PHF14: variants seen among roughly 807,000 people sequenced by gnomAD.
PHF14 encodes PHD finger protein 14.
PHF14 carries 55 observed loss-of-function variants against 117.9 expected under a neutral mutation model. That is an observed-to-expected ratio of 0.47 (90% confidence interval 0.38 to 0.58). The LOEUF (loss-of-function observed/expected upper bound fraction) is 0.58, where lower values mean the gene tolerates loss of function less well. Among genes scored for constraint, PHF14 ranks in the 20% least tolerant of loss-of-function variants. The pLI is 0.00. For missense variants in PHF14, 978 were observed against 1,122.2 expected, an observed-to-expected ratio of 0.87 and a Z score of 1.84; for synonymous variants, 409 against 368.6, an observed-to-expected ratio of 1.11 and a Z score of -1.26.
At chr7:11,164,725 A>G (rs1406541391) in intron 17 of PHF14, among the ~76,000 whole-genome samples, 1 of 152,198 alleles carries the variant, frequency 6.6e-6, no homozygotes, top group Non-Finnish European at 1.5e-5. Context: ...TTGCCATTTT[A>G]TGTAACCATA....
rs577642434 is a variant in PHF14 at position 11,018,330 on chromosome 7, G to T, written c.1205+4424G>T. 2.0e-5 allele frequency among the ~76,000 whole-genome samples: 3 copies of T among 152,166 alleles called. No individual in the cohort carries two copies. The East Asian group carries it at 5.8e-4, about 29-fold the overall frequency. On this transcript the variant is annotated intron_variant, in intron 5 of 17. Transcript: ENST00000634607. ...AGGGATTGCATTGAATCTGTAGATT[G>T]CTTTGGGTAGTATGGGCATTTTAAC...
intron 5 of PHF14, among the ~76,000 whole-genome samples, chr7:11,020,055 A>G (rs982503201): frequency 2.6e-5 from 4 of 151,866 alleles, no homozygotes; most frequent in Admixed American, 2.6e-4. Context: ...GTTGCAATAG[A>G]AGGCAGCATT....
At chr7:11,137,601 T>C (rs1788260387) in intron 17 of PHF14, among the ~76,000 whole-genome samples, 1 of 144,552 alleles carries the variant, frequency 6.9e-6, no homozygotes, top group African/African-American at 2.6e-5. Context: ...TTTTTTTTTT[T>C]TTTTTTTTTT....
chr7:11,101,339 C>T (rs1787080191), intron 16 of PHF14, among the ~76,000 whole-genome samples: 3 of 151,732 alleles, frequency 2.0e-5, no homozygotes, highest in Admixed American at 2.0e-4. Flanking sequence ...AATTGTATTT[C>T]TATTATAAAT....
intron 17 of PHF14, among the ~76,000 whole-genome samples, chr7:11,112,791 T>A (rs1192674659): frequency 2.0e-5 from 3 of 151,890 alleles, no homozygotes; most frequent in Admixed American, 6.6e-5. Context: ...AAATTATAAA[T>A]ATTTGTATGA....
At position 11,081,477 on chromosome 7, in the gene PHF14, CTCT is replaced by C. The variant is rs201054935; in HGVS notation, c.2654+19394_2654+19396del. ...TAATAATATACCGTAAATTTTCATC[CTCT>C]TATTTGACCCCTTATTCAGCCATTT... On this transcript the variant is annotated intron_variant, in intron 16 of 17. Transcript: ENST00000634607. Among the ~76,000 whole-genome samples the C allele has an allele frequency of 9.8e-3, 1,499 of 152,188 alleles. 26 individuals carry two copies. The highest frequency in any genetic ancestry group is 0.034 in the African/African-American group (1,432 of 41,510).
At chr7:10,987,645 CT>C (rs1261587474) in intron 3 of PHF14, among the ~76,000 whole-genome samples, 1 of 151,806 alleles carries the variant, frequency 6.6e-6, no homozygotes, top group Non-Finnish European at 1.5e-5. Context: ...CTAGGTGGTA[CT>C]TTTTTGCCAT....
At chr7:11,122,344 T>TACACACACACAC (rs1186878512) in intron 17 of PHF14, among the ~76,000 whole-genome samples, 2 of 68,484 alleles carry the variant, frequency 2.9e-5, no homozygotes, top group African/African-American at 1.7e-4. Flanking sequence ...TATATATATA[T>TACACACACACAC]ATATATATAC....
chr7:11,003,009 T>G (rs895319144), intron 4 of PHF14, among the ~76,000 whole-genome samples: 6 of 152,034 alleles, frequency 3.9e-5, no homozygotes, highest in African/African-American at 1.4e-4. Context: ...TGCAGTGGCA[T>G]GATCTCCGCT....
At chr7:11,086,011 C>T (rs1342749613) in intron 16 of PHF14, among the ~76,000 whole-genome samples, 1 of 152,038 alleles carries the variant, frequency 6.6e-6, no homozygotes, top group Non-Finnish European at 1.5e-5. Context: ...CTTTAGTTTC[C>T]TCATCTGTAA....
intron 16 of PHF14, among the ~76,000 whole-genome samples, chr7:11,064,214 A>T (rs1202117970): frequency 6.6e-6 from 1 of 151,944 alleles, no homozygotes; most frequent in African/African-American, 2.4e-5. Flanking sequence ...AAAATTTCAT[A>T]TGTTTAATAA....
At chr7:11,068,388 A>G (rs1467871940) in intron 16 of PHF14, among the ~76,000 whole-genome samples, 2 of 151,998 alleles carry the variant, frequency 1.3e-5, no homozygotes, top group African/African-American at 4.8e-5. Flanking sequence ...ATACTGCAAC[A>G]TAGATGAACC....
chr7:10,974,754 C>T, intron 1 of PHF14, 81 bp from the exon 2 acceptor site: 1 of 747,842 alleles, frequency 1.3e-6, no homozygotes, highest in Non-Finnish European at 2.2e-6. Context: ...GCGAGGTCAT[C>T]TTTATGTTCT....
At chr7:11,022,072 G>A (rs1783754553) in intron 5 of PHF14, among the ~76,000 whole-genome samples, 1 of 152,068 alleles carries the variant, frequency 6.6e-6, no homozygotes, top group Non-Finnish European at 1.5e-5. Flanking sequence ...TTGTAAGCAA[G>A]CAGAAAGAGT....
chr7:11,104,711 A>T, intron 16 of PHF14: 7 of 776,090 alleles, frequency 9.0e-6, no homozygotes, highest in Non-Finnish European at 9.4e-6. Flanking sequence ...AACACAGGTG[A>T]CTACCCTATT....
chr7:11,016,106 T>A (rs1338334227), intron 5 of PHF14, among the ~76,000 whole-genome samples: 1 of 152,158 alleles, frequency 6.6e-6, no homozygotes, highest in Non-Finnish European at 1.5e-5. Context: ...GGATTTTTTT[T>A]TGGATACTGT....
intron 6 of PHF14, among the ~76,000 whole-genome samples, chr7:11,025,856 A>G (rs954124777): frequency 1.1e-4 from 16 of 152,078 alleles, no homozygotes; most frequent in African/African-American, 3.1e-4. Flanking sequence ...TCACGCCTGT[A>G]ATCCCGACAC....
intron 17 of PHF14, among the ~76,000 whole-genome samples, chr7:11,122,918 T>C (rs1787817801): frequency 6.6e-6 from 1 of 152,200 alleles, no homozygotes; most frequent in African/African-American, 2.4e-5. Flanking sequence ...TTCTCTGAGC[T>C]GTAAATTCAG....
intron 14 of PHF14, among the ~76,000 whole-genome samples, chr7:11,056,050 A>C (rs1038269011): frequency 6.6e-6 from 1 of 152,186 alleles, no homozygotes; most frequent in Admixed American, 6.5e-5. Context: ...CCTCTGAGGT[A>C]CGAGTCAGAT....
Sources: allele counts gnomAD v4.1 joint callset (sites outside exome capture counted in the v4.1 genomes callset), GRCh38; gene constraint gnomAD v4.1.1; transcripts MANE v1.5; gene names NCBI Gene and HGNC (gene_info 2026-07-23, HGNC 2026-07-21).